Variants in PARP4 observed in about 807,000 individuals in gnomAD.
The protein encoded by PARP4 is poly(ADP-ribose) polymerase family member 4, also known as protein mono-ADP-ribosyltransferase PARP4.
PARP4 carries 120 observed loss-of-function variants against 187.7 expected under a neutral mutation model. The observed-to-expected ratio is 0.64, with a 90% CI of 0.55 to 0.74. The LOEUF (loss-of-function observed/expected upper bound fraction) is 0.74. Ranked by LOEUF, PARP4 falls within the 30% of genes least tolerant of loss-of-function variation. The probability of loss-of-function intolerance (pLI) is 0.00; values close to 1 mark genes in which losing one functional copy is unlikely to be tolerated. For missense variants in PARP4, 1,836 were observed against 2,070.5 expected (o/e 0.89, Z 2.20); for synonymous variants, 654 against 740.9 (o/e 0.88, Z 1.90).
intron 30 of PARP4, among the ~76,000 whole-genome samples, chr13:24,439,806 G>A (rs1221757257): frequency 6.6e-6 from 1 of 152,142 alleles, no homozygotes; most frequent in Non-Finnish European, 1.5e-5. Flanking sequence ...TGCACTCCAA[G>A]GGCCCCTGTG....
chr13:24,510,503 G>A, intron 1 of PARP4, among the ~76,000 whole-genome samples: 1 of 135,536 alleles, frequency 7.4e-6, no homozygotes, highest in Non-Finnish European at 1.5e-5. Context: ...GCAGTGAGCG[G>A]AGATCCCGCC....
chr13:24,462,473 GTC>G (rs756553171), intron 17 of PARP4, among the ~76,000 whole-genome samples: 1 of 152,186 alleles, frequency 6.6e-6, no homozygotes, highest in Non-Finnish European at 1.5e-5. Flanking sequence ...ATTTATTTCA[GTC>G]TCTCTTCTTC....
intron 6 of PARP4, among the ~76,000 whole-genome samples, chr13:24,495,367 G>GA (rs368310017): frequency 3.4e-5 from 5 of 147,708 alleles, no homozygotes; most frequent in East Asian, 2.0e-4. Flanking sequence ...TTGGAAATGA[G>GA]AAAAAAAAAA....
chr13:24,491,277 T>C (rs1309887064), intron 9 of PARP4, among the ~76,000 whole-genome samples: 3 of 152,072 alleles, frequency 2.0e-5, no homozygotes, highest in Non-Finnish European at 2.9e-5. Context: ...CATGCCACCA[T>C]GCCTAGCTAA....
At position 24,434,496 on chromosome 13, in the gene PARP4, T is replaced by C. The variant is rs769401400; in HGVS notation, c.4645A>G (p.Ile1549Val). ...TCTTTTACTTCCAGAAAGCACAGGA[T>C]ACTGTCATCTTTTGTATCACATTTT... ...QIKCDTKDDS[I>V]LCFLEVKEED... The change falls in exon 31 of 34, where the codon ATC becomes GTC. Residue 1549 changes from isoleucine to valine, a missense_variant. Ile to Val is a conservative substitution (Grantham distance 29). Transcript: ENST00000381989. 36 of 1,613,764 alleles carry C rather than the reference T, an allele frequency of 2.2e-5. No individual in the cohort carries two copies. In the Admixed American group the frequency reaches 2.5e-4, roughly 11 times the overall value.
intron 27 of PARP4, among the ~76,000 whole-genome samples, chr13:24,445,014 C>A (rs1871138785): frequency 6.6e-6 from 1 of 152,162 alleles, no homozygotes; most frequent in South Asian, 2.1e-4. Context: ...CACAAGAAAG[C>A]CTTTGCTCAC....
intron 33 of PARP4, among the ~76,000 whole-genome samples, chr13:24,422,390 A>G (rs147898100): frequency 1.4e-4 from 21 of 152,320 alleles, no homozygotes; most frequent in African/African-American, 5.1e-4. Flanking sequence ...GTTTCCTAGT[A>G]AATATTCATC....
chr13:24,439,858 C>T (rs1396968513), intron 30 of PARP4, among the ~76,000 whole-genome samples: 1 of 152,156 alleles, frequency 6.6e-6, no homozygotes, highest in Non-Finnish European at 1.5e-5. Context: ...TCAGCTTAGC[C>T]CCTCGCTTTC....
chr13:24,499,710 G>C (rs2137541516), intron 4 of PARP4, among the ~76,000 whole-genome samples: 2 of 152,258 alleles, frequency 1.3e-5, no homozygotes, highest in South Asian at 4.1e-4. Context: ...GTTTGCTTTG[G>C]ATCTGACTCT....
chr13:24,452,835 A>T (rs1871597022), intron 23 of PARP4, among the ~76,000 whole-genome samples: 2 of 152,228 alleles, frequency 1.3e-5, no homozygotes, highest in African/African-American at 2.4e-5. Context: ...TATGACATCT[A>T]CAGGAAGAAA....
chr13:24,498,110 C>A lies in PARP4; in HGVS notation c.591+6G>T, dbSNP rs572373892. ...AACACATAGGAATCAATATAAACAGCATTACCTCCATGCCATCATCCAGGA... is the reference window on the plus strand; with the variant it reads ...AACACATAGGAATCAATATAAACAGAATTACCTCCATGCCATCATCCAGGA... On this transcript the variant is annotated splice_donor_region_variant and intron_variant, in intron 6 of 33. Transcript: ENST00000381989. 1.1e-4 allele frequency: 180 copies of A among 1,583,366 alleles called. 2 individuals are homozygous for A. The South Asian group carries it at 1.8e-3, about 16-fold the overall frequency.
Position 24,459,304 on chromosome 13 carries a change from C to T in PARP4, c.2305G>A (p.Val769Ile), listed in dbSNP as rs771935669. The T allele has an allele frequency of 1.3e-6, 2 of 1,559,276 alleles. No individual in the cohort carries two copies. Among genetic ancestry groups the T allele is most frequent in the Non-Finnish European group, 8.7e-7 (1 of 1,145,502 alleles). ...KALNENLQDT[V>I]EKICIKEIGT... Reference sequence around the variant, plus strand: ...ATTTCTTTTATACAAATCTTCTCTACTGTATCCTGTTAAAAGAAAAATACA... The same window carrying T: ...ATTTCTTTTATACAAATCTTCTCTATTGTATCCTGTTAAAAGAAAAATACA... The change falls in exon 19 of 34, where the codon GTA (valine) becomes ATA (isoleucine). Residue 769 changes from valine (V) to isoleucine (I), a missense_variant. Physicochemically the swap from Val to Ile is conservative, Grantham distance 29 (BLOSUM62 3). Transcript: ENST00000381989.
At chr13:24,447,576 G>C (rs1189450677) in intron 25 of PARP4, among the ~76,000 whole-genome samples, 1 of 152,124 alleles carries the variant, frequency 6.6e-6, no homozygotes, top group Admixed American at 6.5e-5. Context: ...GCCCAGGCTG[G>C]TCTCGAACTC....
intron 30 of PARP4, among the ~76,000 whole-genome samples, chr13:24,436,910 G>A (rs1433899175): frequency 6.6e-6 from 1 of 152,100 alleles, no homozygotes; most frequent in Admixed American, 6.5e-5. Flanking sequence ...TAGAACATAT[G>A]AAAAGACATA....
intron 31 of PARP4, among the ~76,000 whole-genome samples, chr13:24,433,314 G>C (rs1941374095): frequency 6.6e-6 from 1 of 152,158 alleles, no homozygotes; most frequent in African/African-American, 2.4e-5. Flanking sequence ...GGCTCCCAGA[G>C]CTCGGGGCCT....
chr13:24,454,934 G>A (rs974764967), intron 22 of PARP4, 83 bp downstream of exon 22: 7 of 1,136,976 alleles, frequency 6.2e-6, no homozygotes, highest in African/African-American at 3.0e-5. Context: ...AGGCAGGGTC[G>A]GGTACCCACA....
In PARP4 at chr13:24,455,110, C is replaced by CTG; in HGVS notation, c.2664_2665insCA (p.Gly889GlnfsTer3). 6.2e-7 allele frequency: 1 copy of CTG among 1,613,212 alleles called. No individual in the cohort carries two copies. Among genetic ancestry groups the CTG allele is most frequent in the Non-Finnish European group, 8.5e-7 (1 of 1,179,360 alleles). Reference sequence around the variant, plus strand: ...TGCTTGGCTTGCAAGAATGTCACACCCTCCATGGAACTGGAGCAGTCAAGA... The same window carrying CTG: ...TGCTTGGCTTGCAAGAATGTCACACCTGCTCCATGGAACTGGAGCAGTCAAGA... On this transcript the variant is annotated frameshift_variant, in exon 22 of 34. Coordinates refer to ENST00000381989, the MANE Select transcript of PARP4 (RefSeq NM_006437.4). LOFTEE classifies it high-confidence loss of function.
intron 30 of PARP4, among the ~76,000 whole-genome samples, chr13:24,437,401 T>G (rs1370879584): frequency 5.3e-5 from 8 of 152,078 alleles, no homozygotes; most frequent in Non-Finnish European, 8.8e-5. Flanking sequence ...AAAATCTGCA[T>G]GACCAAAAGA....
chr13:24,507,950 T>C (rs1416101146), intron 1 of PARP4, among the ~76,000 whole-genome samples: 1 of 152,216 alleles, frequency 6.6e-6, no homozygotes, highest in South Asian at 2.1e-4. Context: ...CATTAGGGAT[T>C]CATATTTTTT....
Sources: allele counts gnomAD v4.1 joint callset (sites outside exome capture counted in the v4.1 genomes callset), GRCh38; gene constraint gnomAD v4.1.1; transcripts MANE v1.5; gene names NCBI Gene and HGNC (gene_info 2026-07-23, HGNC 2026-07-21).